RANBP17: variants seen among roughly 807,000 people sequenced by gnomAD.
RANBP17 encodes RAN binding protein 17, also known as ran-binding protein 17.
RANBP17 carries 158 observed loss-of-function variants against 141.2 expected under a neutral mutation model. The observed-to-expected ratio is 1.12, with a 90% confidence interval of 0.98 to 1.28. The LOEUF (loss-of-function observed/expected upper bound fraction) is 1.28, where lower values mean the gene tolerates loss of function less well. RANBP17 is among the 50% of genes most tolerant of loss of function. The pLI is 0.00. For missense variants in RANBP17, 1,438 were observed against 1,290.7 expected (o/e 1.11, Z -1.75); for synonymous variants, 430 against 450.0 (o/e 0.96, Z 0.56).
At chr5:171,120,747 G>A (rs1010481889) in intron 14 of RANBP17, among the ~76,000 whole-genome samples, 6 of 152,088 alleles carry the variant, frequency 3.9e-5, no homozygotes, top group African/African-American at 1.2e-4. Flanking sequence ...GTGAATTATT[G>A]TATTCCTTTA....
intron 14 of RANBP17, among the ~76,000 whole-genome samples, chr5:171,068,872 C>T (rs935628673): frequency 1.3e-5 from 2 of 152,212 alleles, no homozygotes; most frequent in African/African-American, 4.8e-5. Flanking sequence ...AGGCAGTGAG[C>T]CACCACACCC....
At chr5:170,991,832 T>G (rs11951392) in intron 14 of RANBP17, among the ~76,000 whole-genome samples, 5 of 152,130 alleles carry the variant, frequency 3.3e-5, no homozygotes, top group African/African-American at 1.2e-4. Flanking sequence ...TTTTTAAAAT[T>G]TTACCACTAT....
intron 14 of RANBP17, among the ~76,000 whole-genome samples, chr5:171,070,992 G>A (rs546316247): frequency 6.6e-6 from 1 of 152,004 alleles, no homozygotes; most frequent in Non-Finnish European, 1.5e-5. Context: ...GTACATAACT[G>A]TTCTGCAAGT....
intron 12 of RANBP17, among the ~76,000 whole-genome samples, chr5:170,942,359 T>C (rs1192410874): frequency 3.3e-5 from 5 of 152,100 alleles, no homozygotes; most frequent in South Asian, 2.1e-4. Context: ...TGGAAACAGC[T>C]CAGATGCTCA....
intron 18 of RANBP17, among the ~76,000 whole-genome samples, chr5:171,185,163 C>CA (rs1026433855): frequency 6.6e-6 from 1 of 152,072 alleles, no homozygotes; most frequent in African/African-American, 2.4e-5. Context: ...AACTCCATCT[C>CA]AAAAAACAAT....
intron 11 of RANBP17, among the ~76,000 whole-genome samples, chr5:170,921,690 T>A (rs547038299): frequency 6.6e-6 from 1 of 152,320 alleles, no homozygotes. Flanking sequence ...GTATGGCCAT[T>A]TTCATGATAT....
intron 14 of RANBP17, among the ~76,000 whole-genome samples, chr5:171,154,340 G>T (rs978567112): frequency 1.3e-5 from 2 of 151,986 alleles, no homozygotes; most frequent in African/African-American, 4.8e-5. Flanking sequence ...GCGGTGGCAC[G>T]ATCTCGGCTC....
intron 16 of RANBP17, among the ~76,000 whole-genome samples, chr5:171,176,604 A>G (rs1436911258): frequency 6.6e-6 from 1 of 152,184 alleles, no homozygotes; most frequent in Non-Finnish European, 1.5e-5. Context: ...TGTTTTATTA[A>G]TATAGTTTCT....
At chr5:170,978,153 G>T (rs562215169) in intron 14 of RANBP17, among the ~76,000 whole-genome samples, 1 of 152,218 alleles carries the variant, frequency 6.6e-6, no homozygotes, top group East Asian at 1.9e-4. Flanking sequence ...TAATACCTAA[G>T]TGAAATATCA....
chr5:171,070,744 A>C (rs1784586472), intron 14 of RANBP17, among the ~76,000 whole-genome samples: 1 of 151,932 alleles, frequency 6.6e-6, no homozygotes, highest in African/African-American at 2.4e-5. Flanking sequence ...ACTTTACAAT[A>C]CTAGTATCAG....
At chr5:171,197,526 TAC>T (rs1762043638) in intron 18 of RANBP17, among the ~76,000 whole-genome samples, 1 of 152,358 alleles carries the variant, frequency 6.6e-6, no homozygotes, top group South Asian at 2.1e-4. Context: ...AACTCAAAGA[TAC>T]ACAGTCTCAG....
chr5:171,214,721 G>T (rs1247690515), intron 21 of RANBP17, among the ~76,000 whole-genome samples: 4 of 151,988 alleles, frequency 2.6e-5, no homozygotes, highest in African/African-American at 9.7e-5. Context: ...TAAAGGAAGG[G>T]TGGCTTTGTA....
intron 14 of RANBP17, among the ~76,000 whole-genome samples, chr5:171,047,014 C>CTTTT (rs35304788): frequency 1.2e-4 from 12 of 97,788 alleles, no homozygotes; most frequent in Admixed American, 2.7e-4. Flanking sequence ...TTTATTTTGC[C>CTTTT]TTTTTTTTTT....
At chr5:171,238,548 C>T (rs1477017106) in intron 22 of RANBP17, among the ~76,000 whole-genome samples, 1 of 152,150 alleles carries the variant, frequency 6.6e-6, no homozygotes, top group East Asian at 1.9e-4. Context: ...CACTTTTACC[C>T]TGGCCTTCCC....
chr5:170,998,262 T>G (rs1180291203), intron 14 of RANBP17, among the ~76,000 whole-genome samples: 1 of 151,356 alleles, frequency 6.6e-6, no homozygotes, highest in Non-Finnish European at 1.5e-5. Flanking sequence ...GTGTGTAGAT[T>G]TTTGAATATA....
intron 14 of RANBP17, among the ~76,000 whole-genome samples, chr5:170,989,373 A>G (rs1270846222): frequency 6.6e-6 from 1 of 151,792 alleles, no homozygotes; most frequent in Non-Finnish European, 1.5e-5. Context: ...AACATAAGTC[A>G]TAATAGCTAC....
chr5:170,894,001 T>A (rs544348413), intron 4 of RANBP17, among the ~76,000 whole-genome samples: 51 of 152,294 alleles, frequency 3.3e-4, no homozygotes, highest in African/African-American at 1.2e-3. Flanking sequence ...AACCTCAGAA[T>A]ATGAAATGCT....
intron 8 of RANBP17, among the ~76,000 whole-genome samples, chr5:170,915,178 G>A (rs182283202): frequency 3.9e-5 from 6 of 152,054 alleles, no homozygotes; most frequent in Admixed American, 3.9e-4. Flanking sequence ...TATGTTTTGG[G>A]ATAAAACAAA....
chr5:171,258,118 T>A (rs199581871), intron 24 of RANBP17, among the ~76,000 whole-genome samples: 68 of 128,260 alleles, frequency 5.3e-4, no homozygotes, highest in Middle Eastern at 4.0e-3. Context: ...AAAAAAAAAA[T>A]ACACACACAC....
Sources: allele counts gnomAD v4.1 joint callset (sites outside exome capture counted in the v4.1 genomes callset), GRCh38; gene constraint gnomAD v4.1.1; transcripts MANE v1.5; gene names NCBI Gene and HGNC (gene_info 2026-07-23, HGNC 2026-07-21).